The following ENTREP2 variants were observed in gnomAD, a reference collection of about 807,000 sequenced individuals.
ENTREP2 encodes the protein protein ENTREP2.
the ENTREP2 span, among the ~76,000 whole-genome samples, chr15:29,377,775 C>T: frequency 1.3e-5 from 2 of 150,600 alleles, no homozygotes; most frequent in African/African-American, 4.9e-5. Context: ...GAGCCAAGAT[C>T]GTACCATTGC....
the ENTREP2 span, among the ~76,000 whole-genome samples, chr15:29,261,220 T>C: frequency 6.6e-6 from 1 of 152,068 alleles, no homozygotes; most frequent in Non-Finnish European, 1.5e-5. Context: ...AAAAAAATAG[T>C]TTTAAAAATT....
chr15:29,492,383 A>G, the ENTREP2 span, among the ~76,000 whole-genome samples: 3 of 152,236 alleles, frequency 2.0e-5, no homozygotes, highest in Non-Finnish European at 4.4e-5. Flanking sequence ...TTGGTCTAAC[A>G]TTCTTTGGTT....
chr15:29,250,988 C>T, the ENTREP2 span, among the ~76,000 whole-genome samples: 78,267 of 152,060 alleles, frequency 0.51, 21,352 homozygotes, highest in South Asian at 0.62. Flanking sequence ...GCTTCAGCAT[C>T]GAAACTGTGC....
chr15:29,236,883 AGAAGGAAG>A, the ENTREP2 span, among the ~76,000 whole-genome samples: 1 of 152,064 alleles, frequency 6.6e-6, no homozygotes, highest in Non-Finnish European at 1.5e-5. Flanking sequence ...AATAAAAAAA[AGAAGGAAG>A]GAAGGAAGGA....
the ENTREP2 span, among the ~76,000 whole-genome samples, chr15:29,279,528 C>A: frequency 6.6e-6 from 1 of 152,042 alleles, no homozygotes; most frequent in Non-Finnish European, 1.5e-5. Context: ...CCACACTCAG[C>A]TAATTTTTGT....
chr15:29,262,005 T>C, the ENTREP2 span, among the ~76,000 whole-genome samples: 1 of 73,278 alleles, frequency 1.4e-5, no homozygotes, highest in Non-Finnish European at 2.9e-5. Context: ...AGGGAAACAA[T>C]AAAAAAGATC....
the ENTREP2 span, among the ~76,000 whole-genome samples, chr15:29,149,809 A>G: frequency 6.6e-6 from 1 of 152,208 alleles, no homozygotes; most frequent in Admixed American, 6.5e-5. Context: ...CGGGGGTCTC[A>G]TCACGAGAGC....
chr15:29,605,297 T>C, the ENTREP2 span, among the ~76,000 whole-genome samples: 1 of 152,206 alleles, frequency 6.6e-6, no homozygotes, highest in Non-Finnish European at 1.5e-5. Context: ...CCAGTGGAAG[T>C]TCAAAGGTAT....
the ENTREP2 span, among the ~76,000 whole-genome samples, chr15:29,218,387 G>A: frequency 2.0e-5 from 3 of 151,944 alleles, no homozygotes; most frequent in South Asian, 2.1e-4. Flanking sequence ...ACGATCATAC[G>A]GCCAAAAGCA....
the ENTREP2 span, among the ~76,000 whole-genome samples, chr15:29,232,653 C>T: frequency 2.2e-3 from 321 of 144,604 alleles, no homozygotes; most frequent in African/African-American, 7.5e-3. Context: ...CCACCACACC[C>T]GCCTAATTAA....
chr15:29,503,965 T>TTGAA, the ENTREP2 span, among the ~76,000 whole-genome samples: 2,120 of 152,310 alleles, frequency 0.014, 19 homozygotes, highest in Non-Finnish European at 0.02. Flanking sequence ...CCTACAAAAC[T>TTGAA]TGAATCCTCC....
the ENTREP2 span, among the ~76,000 whole-genome samples, chr15:29,205,439 G>A: frequency 6.6e-6 from 1 of 152,154 alleles, no homozygotes; most frequent in African/African-American, 2.4e-5. Context: ...TCCACCAAGA[G>A]TGTACAAGGC....
chr15:29,336,014 C>T, the ENTREP2 span, among the ~76,000 whole-genome samples: 5 of 151,628 alleles, frequency 3.3e-5, no homozygotes, highest in African/African-American at 9.7e-5. Context: ...TGGTGTCGGG[C>T]GCCTGTAGTC....
At chr15:29,432,637 A>G in the ENTREP2 span, among the ~76,000 whole-genome samples, 1 of 152,176 alleles carries the variant, frequency 6.6e-6, no homozygotes, top group Non-Finnish European at 1.5e-5. Flanking sequence ...CTGGTGACTC[A>G]GGCTGCAGGA....
the ENTREP2 span, among the ~76,000 whole-genome samples, chr15:29,439,518 A>G: frequency 1.3e-5 from 2 of 152,342 alleles, no homozygotes; most frequent in East Asian, 3.9e-4. Context: ...TTTCCTTAAA[A>G]AAGAATTCCA....
At chr15:29,427,702 C>T in the ENTREP2 span, among the ~76,000 whole-genome samples, 71 of 152,278 alleles carry the variant, frequency 4.7e-4, no homozygotes, top group African/African-American at 1.7e-3. Context: ...GGCATAACCT[C>T]CCCATCTCCA....
chr15:29,137,332 C>T, the ENTREP2 span: 2 of 810,138 alleles, frequency 2.5e-6, no homozygotes, highest in Admixed American at 8.2e-5. Flanking sequence ...CTGCTAAGCA[C>T]ACACTTTAAA....
At chr15:29,167,868 G>A in the ENTREP2 span, among the ~76,000 whole-genome samples, 13 of 152,158 alleles carry the variant, frequency 8.5e-5, no homozygotes, top group Non-Finnish European at 1.8e-4. Flanking sequence ...ACTTGCACAC[G>A]CATGTTTATA....
chr15:29,547,321 G>A, the ENTREP2 span, among the ~76,000 whole-genome samples: 11 of 151,752 alleles, frequency 7.2e-5, no homozygotes, highest in East Asian at 9.7e-4. Flanking sequence ...AACTCCTGAC[G>A]TTGTGATCCA....
Sources: gnomAD v4.1 joint callset for allele counts (sites outside exome capture counted in the v4.1 genomes callset) on GRCh38, gnomAD v4.1.1 for gene constraint, MANE v1.5 for transcripts, NCBI Gene and HGNC (gene_info 2026-07-23, HGNC 2026-07-21) for gene names.